PTPRD: variants seen among roughly 807,000 people sequenced by gnomAD.
The protein encoded by PTPRD is protein tyrosine phosphatase receptor type D.
Under a neutral mutation model 214.5 loss-of-function variants are expected in PTPRD, and 34 were observed. That is an observed-to-expected ratio of 0.16 (90% CI 0.12 to 0.21). PTPRD has a LOEUF of 0.21. Ranked by LOEUF, PTPRD falls within the 10% of genes least tolerant of loss-of-function variation. PTPRD has a pLI of 1.00. For missense variants in PTPRD, 2,545 were observed against 2,398.7 expected, an observed-to-expected ratio of 1.06 and a Z score of -1.27; for synonymous variants, 1,128 against 845.7, an observed-to-expected ratio of 1.33 and a Z score of -5.79.
intron 12 of PTPRD, among the ~76,000 whole-genome samples, chr9:8,682,972 A>C (rs1277979593): frequency 6.6e-6 from 1 of 152,200 alleles, no homozygotes; most frequent in Non-Finnish European, 1.5e-5. Context: ...TTCCCAAAAA[A>C]AGTGTCTAAA....
chr9:9,181,041 G>T (rs980819905), intron 10 of PTPRD, among the ~76,000 whole-genome samples: 5 of 152,018 alleles, frequency 3.3e-5, no homozygotes, highest in Non-Finnish European at 2.9e-5. Context: ...CAAAGAATTT[G>T]AAAGTCAGAA....
chr9:8,987,930 T>C (rs9299083), intron 11 of PTPRD, among the ~76,000 whole-genome samples: 29,007 of 151,812 alleles, frequency 0.19, 3,101 homozygotes, highest in Non-Finnish European at 0.24. Context: ...ATGACCCTTG[T>C]AAAGAGTACT....
intron 39 of PTPRD, among the ~76,000 whole-genome samples, chr9:8,371,654 G>C (rs567249088): frequency 9.2e-5 from 14 of 152,168 alleles, no homozygotes; most frequent in South Asian, 2.1e-4. Flanking sequence ...GTGCATTCCA[G>C]CTTAAAGAAA....
intron 8 of PTPRD, among the ~76,000 whole-genome samples, chr9:9,442,569 A>G (rs774403687): frequency 6.6e-6 from 1 of 152,214 alleles, no homozygotes; most frequent in Non-Finnish European, 1.5e-5. Context: ...GAAGGTATAA[A>G]TGACTGTCAA....
In PTPRD at chr9:8,633,487, G is replaced by C. The variant is rs78738957; in HGVS notation, c.211-29C>G. On this transcript the variant is annotated intron_variant, in intron 13 of 45. Coordinates refer to ENST00000381196, the MANE Select transcript of PTPRD (RefSeq NM_002839.4). ...TTAGAGGAAACAATAGCTGTCACAG[G>C]TGTTGTTACAATTGTCTACCTCTCA... 271 of 1,605,948 alleles carry C rather than the reference G, an allele frequency of 1.7e-4. No individual in the cohort carries two copies. The East Asian group carries it at 5.7e-3, about 34-fold the overall frequency.
chr9:9,028,898 TAAA>T (rs543316821), intron 10 of PTPRD, among the ~76,000 whole-genome samples: 1 of 150,930 alleles, frequency 6.6e-6, no homozygotes, highest in African/African-American at 2.4e-5. Context: ...GGAGAACAGA[TAAA>T]AAAAAGTAGA....
At chr9:9,407,069 CTGTT>C (rs2073734716) in intron 8 of PTPRD, among the ~76,000 whole-genome samples, 3 of 151,826 alleles carry the variant, frequency 2.0e-5, no homozygotes, top group African/African-American at 7.2e-5. Flanking sequence ...TCATAAAATA[CTGTT>C]TTTGGATAAA....
chr9:10,595,619 G>T, intron 2 of PTPRD, among the ~76,000 whole-genome samples: 1 of 148,852 alleles, frequency 6.7e-6, no homozygotes. Context: ...AATATTTCTG[G>T]GTACTTTTAA....
intron 33 of PTPRD, among the ~76,000 whole-genome samples, chr9:8,452,228 G>A (rs1188771921): frequency 6.6e-6 from 1 of 152,188 alleles, no homozygotes; most frequent in African/African-American, 2.4e-5. Context: ...CTGCTTAAAT[G>A]TATTTTGCTT....
At chr9:8,331,456 C>G in intron 44 of PTPRD, 126 bp downstream of exon 44, 10 of 1,083,998 alleles carry the variant, frequency 9.2e-6, no homozygotes, top group Non-Finnish European at 1.3e-5. Context: ...ATCAATCCTG[C>G]TTTAAGTTTT....
intron 3 of PTPRD, among the ~76,000 whole-genome samples, chr9:10,293,928 T>C (rs1190629757): frequency 6.6e-6 from 1 of 151,974 alleles, no homozygotes; most frequent in Non-Finnish European, 1.5e-5. Flanking sequence ...CATTTCTTAC[T>C]GTGGTTGCTC....
At chr9:10,205,930 G>A (rs2099472883) in intron 3 of PTPRD, among the ~76,000 whole-genome samples, 1 of 151,584 alleles carries the variant, frequency 6.6e-6, no homozygotes, top group African/African-American at 2.4e-5. Flanking sequence ...CTTAAGCACT[G>A]GGAAAGCAAA....
intron 5 of PTPRD, among the ~76,000 whole-genome samples, chr9:9,812,765 A>C (rs1251040051): frequency 6.6e-6 from 1 of 152,148 alleles, no homozygotes; most frequent in Non-Finnish European, 1.5e-5. Context: ...AGACTTGACT[A>C]ACACTATATC....
intron 7 of PTPRD, among the ~76,000 whole-genome samples, chr9:9,687,737 C>T (rs939500803): frequency 1.3e-5 from 2 of 151,584 alleles, no homozygotes; most frequent in Admixed American, 1.3e-4. Flanking sequence ...TTTTATTGGT[C>T]TCAATTGGTC....
At chr9:9,483,845 G>C (rs1212765101) in intron 8 of PTPRD, among the ~76,000 whole-genome samples, 1 of 148,440 alleles carries the variant, frequency 6.7e-6, no homozygotes, top group Non-Finnish European at 1.5e-5. Context: ...GTTTGGACCT[G>C]CCTACTTCTC....
intron 11 of PTPRD, among the ~76,000 whole-genome samples, chr9:8,823,056 A>G (rs2154527265): frequency 6.6e-6 from 1 of 152,102 alleles, no homozygotes; most frequent in Non-Finnish European, 1.5e-5. Flanking sequence ...GACATTTAAT[A>G]CTCAGGGTTC....
chr9:10,114,986 G>T (rs963514245), intron 3 of PTPRD, among the ~76,000 whole-genome samples: 1 of 151,226 alleles, frequency 6.6e-6, no homozygotes, highest in Non-Finnish European at 1.5e-5. Flanking sequence ...CTTTTTAAAG[G>T]GAGGGGTTCA....
intron 5 of PTPRD, among the ~76,000 whole-genome samples, chr9:9,798,071 G>C (rs903813205): frequency 1.3e-5 from 2 of 152,102 alleles, no homozygotes; most frequent in African/African-American, 4.8e-5. Context: ...AGGGAGAGAG[G>C]ACAAGGAAGG....
chr9:8,576,753 C>T (rs1337201817), intron 14 of PTPRD, among the ~76,000 whole-genome samples: 13 of 152,068 alleles, frequency 8.5e-5, no homozygotes, highest in Admixed American at 3.3e-4. Flanking sequence ...TCCCTACCAC[C>T]AAACCTTCAC....
Sources: gnomAD v4.1 joint callset for allele counts (sites outside exome capture counted in the v4.1 genomes callset) on GRCh38, gnomAD v4.1.1 for gene constraint, MANE v1.5 for transcripts, NCBI Gene and HGNC (gene_info 2026-07-23, HGNC 2026-07-21) for gene names.